TBC1D30: variants seen among roughly 807,000 people sequenced by gnomAD.
TBC1D30 encodes the protein TBC1 domain family member 30.
TBC1D30 carries 31 observed loss-of-function variants against 63.2 expected under a neutral mutation model. The observed-to-expected ratio is 0.49, with a 90% CI of 0.37 to 0.66. TBC1D30 has a LOEUF of 0.66. Ranked by LOEUF, TBC1D30 falls within the 30% of genes least tolerant of loss-of-function variation. The pLI is 0.00. For synonymous variants in TBC1D30, 307 were observed against 361.5 expected (o/e 0.85, Z 1.71); for missense variants, 810 against 953.6 (o/e 0.85, Z 1.98).
At chr12:64,792,879 T>A (rs1872009508) in intron 2 of TBC1D30, among the ~76,000 whole-genome samples, 1 of 152,146 alleles carries the variant, frequency 6.6e-6, no homozygotes, top group South Asian at 2.1e-4. Context: ...CAGCCTAGGC[T>A]AGTTATGGAA....
At position 64,866,777 on chromosome 12, in the gene TBC1D30, G is replaced by A; in HGVS notation, c.1165G>A (p.Ala389Thr). The A allele has an allele frequency of 6.5e-7, 1 of 1,536,302 alleles. No homozygotes were observed. The highest frequency in any genetic ancestry group is 8.7e-7 in the Non-Finnish European group (1 of 1,146,924). ...ATGTTTTCCAAGACGACATAGTAAG[G>A]CCAGAGACAGTGATGAAGAGAATGA... ...PTSVSGRHSK[A>T]RDSDEENDPD... Residue 389 changes from alanine (A) to threonine (T), a missense_variant, in exon 10 of 12, where the codon GCC becomes ACC. Ala to Thr is a moderately conservative substitution (Grantham distance 58). Around this residue, in one of 4 missense-constraint regions of TBC1D30, gnomAD observed 450 missense variants for 473.0 expected, o/e 0.95. Transcript: ENST00000539867.
chr12:64,856,540 CTCTT>C (rs750382960), intron 8 of TBC1D30, among the ~76,000 whole-genome samples: 1 of 152,178 alleles, frequency 6.6e-6, no homozygotes, highest in Non-Finnish European at 1.5e-5. Context: ...CATGTGGAGT[CTCTT>C]TCTGTGATGA....
chr12:64,843,344 T>TGTG, intron 7 of TBC1D30, 36 bp from the exon 8 acceptor site: 1 of 1,523,032 alleles, frequency 6.6e-7, no homozygotes, highest in Non-Finnish European at 8.8e-7. Flanking sequence ...ATGGATGCCC[T>TGTG]AAACAAGTTG....
chr12:64,868,740 C>CGG, intron 10 of TBC1D30: 1 of 199,076 alleles, frequency 5.0e-6, no homozygotes, highest in Non-Finnish European at 1.0e-5. Flanking sequence ...TTGGAAAAAA[C>CGG]CAGAACAAGT....
chr12:64,813,711 T>C (rs1251056946), intron 2 of TBC1D30, among the ~76,000 whole-genome samples: 1 of 152,214 alleles, frequency 6.6e-6, no homozygotes, highest in East Asian at 1.9e-4. Context: ...GTGTAAATCT[T>C]AGTCAAAATA....
At chr12:64,840,583 G>A (rs1040917907) in intron 7 of TBC1D30, among the ~76,000 whole-genome samples, 3 of 152,208 alleles carry the variant, frequency 2.0e-5, no homozygotes, top group Admixed American at 6.5e-5. Context: ...ATAAACTCAT[G>A]TATTCTTCAT....
chr12:64,764,888 C>T (rs1279385932), intron 1 of TBC1D30, among the ~76,000 whole-genome samples: 1 of 152,148 alleles, frequency 6.6e-6, no homozygotes, highest in Non-Finnish European at 1.5e-5. Flanking sequence ...TAATGTAAAA[C>T]AAATAATTCT....
In TBC1D30 at chr12:64,807,918, G is replaced by GTTTTTTTTTTTTTTTTTTT. The variant is rs774145443; in HGVS notation, c.644-19900_644-19899insTTTTTTTTTTTTTTTTTTT. Among the ~76,000 whole-genome samples the GTTTTTTTTTTTTTTTTTTT allele has an allele frequency of 6.3e-4, 59 of 93,492 alleles. 5 individuals are homozygous for GTTTTTTTTTTTTTTTTTTT. Among genetic ancestry groups the GTTTTTTTTTTTTTTTTTTT allele is most frequent in the African/African-American group, 1.1e-3 (20 of 18,116 alleles). The allele number at this position is 93,492 out of a possible 152,430, so 61.3% of individuals were successfully genotyped here. ...GCCCATGCCACCCTGCCTAATTTAA[G>GTTTTTTTTTTTTTTTTTTT]TTTTTTTTTTTTTTTTTGTAGAGCT... On this transcript the variant is annotated intron_variant, in intron 2 of 12. Coordinates refer to the TBC1D30 transcript ENST00000542120.
At chr12:64,866,373 A>G (rs1308934241) in intron 9 of TBC1D30, among the ~76,000 whole-genome samples, 1 of 152,216 alleles carries the variant, frequency 6.6e-6, no homozygotes, top group Non-Finnish European at 1.5e-5. Flanking sequence ...CATGGTTACT[A>G]GTTTCAATGG....
intron 7 of TBC1D30, 108 bp downstream of exon 7, chr12:64,838,959 C>A: frequency 8.9e-7 from 1 of 1,121,038 alleles, no homozygotes; most frequent in Non-Finnish European, 1.2e-6. Flanking sequence ...AAGTTGTGAA[C>A]TTTTAAAATT....
chr12:64,867,036 T>G, intron 10 of TBC1D30, 133 bp downstream of exon 10: 1 of 969,326 alleles, frequency 1.0e-6, no homozygotes, highest in Non-Finnish European at 1.5e-6. Context: ...ATTAGGCTAG[T>G]CATGGTGGGT....
At chr12:64,834,903 C>G (rs1875208364) in intron 5 of TBC1D30, among the ~76,000 whole-genome samples, 1 of 151,606 alleles carries the variant, frequency 6.6e-6, no homozygotes, top group Admixed American at 6.6e-5. Context: ...TTTGAGAGAT[C>G]ATAATTTCTC....
chr12:64,828,058 G>T (rs906178288), intron 2 of TBC1D30, among the ~76,000 whole-genome samples, 162 bp downstream of exon 2: 1 of 152,174 alleles, frequency 6.6e-6, no homozygotes, highest in Non-Finnish European at 1.5e-5. Context: ...AGTGGCCTGG[G>T]TTTATATTTG....
intron 2 of TBC1D30, among the ~76,000 whole-genome samples, chr12:64,804,369 C>T (rs1872745485): frequency 6.6e-6 from 1 of 152,136 alleles, no homozygotes; most frequent in Non-Finnish European, 1.5e-5. Context: ...AGTTGTTTAT[C>T]AGCTTAAGGA....
At chr12:64,780,746 G>A in exon 1 of TBC1D30, 1 of 987,120 alleles carries the variant, frequency 1.0e-6, no homozygotes, top group Non-Finnish European at 1.2e-6. Context: ...CCTCCTCCCG[G>A]AACTGGCCGG....
chr12:64,793,673 A>G (rs1872077438), intron 2 of TBC1D30, among the ~76,000 whole-genome samples: 2 of 152,076 alleles, frequency 1.3e-5, no homozygotes, highest in African/African-American at 2.4e-5. Context: ...AAAAACAAAA[A>G]CACAAATAAA....
intron 8 of TBC1D30, among the ~76,000 whole-genome samples, chr12:64,844,132 T>A (rs1268743651): frequency 6.6e-6 from 1 of 152,214 alleles, no homozygotes; most frequent in African/African-American, 2.4e-5. Flanking sequence ...TTGTGGGGAA[T>A]AAATTATTGA....
chr12:64,819,891 G>T (rs1873785967), upstream of TBC1D30, among the ~76,000 whole-genome samples: 1 of 152,102 alleles, frequency 6.6e-6, no homozygotes, highest in African/African-American at 2.4e-5. Flanking sequence ...ATTATCACAG[G>T]TGCAAAATGT....
chr12:64,819,004 G>A (rs1483369306), intron 2 of TBC1D30, among the ~76,000 whole-genome samples: 2 of 152,136 alleles, frequency 1.3e-5, no homozygotes, highest in Non-Finnish European at 2.9e-5. Flanking sequence ...AAAATCTTTG[G>A]TTAGTTATGC....
Sources: allele counts gnomAD v4.1 joint callset (sites outside exome capture counted in the v4.1 genomes callset), GRCh38; gene constraint gnomAD v4.1.1; regional missense constraint gnomAD v4.1.1; transcripts MANE v1.5; gene names NCBI Gene and HGNC (gene_info 2026-07-23, HGNC 2026-07-21).